The following GID4 variants were observed in gnomAD, a reference collection of about 807,000 sequenced individuals.
GID4 encodes the protein GID complex subunit 4 homolog, also known as glucose-induced degradation protein 4 homolog.
GID4 carries 7 observed loss-of-function variants against 32.4 expected under a neutral mutation model. The observed-to-expected ratio is 0.22, with a 90% CI of 0.12 to 0.41. The LOEUF (loss-of-function observed/expected upper bound fraction) is 0.41. Among genes scored for constraint, GID4 ranks in the 10% least tolerant of loss-of-function variants. GID4 has a pLI of 1.00. For missense variants in GID4, 309 were observed against 400.0 expected, an observed-to-expected ratio of 0.77 and a Z score of 1.94; for synonymous variants, 166 against 170.0, an observed-to-expected ratio of 0.98 and a Z score of 0.18.
intron 2 of GID4, among the ~76,000 whole-genome samples, chr17:18,050,068 T>C (rs367996904): frequency 2.6e-5 from 4 of 152,394 alleles, no homozygotes; most frequent in East Asian, 3.9e-4. Flanking sequence ...TCATTTCTTT[T>C]TATGGCTTCA....
intron 2 of GID4, among the ~76,000 whole-genome samples, chr17:18,048,788 A>G (rs2044880892): frequency 6.6e-6 from 1 of 151,532 alleles, no homozygotes; most frequent in South Asian, 2.1e-4. Flanking sequence ...AATTACAGGC[A>G]TGTGCCACCA....
At chr17:18,046,621 T>TA (rs541538647) in intron 2 of GID4, among the ~76,000 whole-genome samples, 2,499 of 138,354 alleles carry the variant, frequency 0.018, 33 homozygotes, top group Middle Eastern at 0.071. Context: ...CCTCTCTCTT[T>TA]AAAAAAAAAA....
At position 18,048,206 on chromosome 17, in the gene GID4, CTT is replaced by C. The variant is rs919674515; in HGVS notation, c.498+3010_498+3011del. On this transcript the variant is annotated intron_variant, in intron 2 of 5. Coordinates refer to ENST00000268719, the MANE Select transcript of GID4 (RefSeq NM_024052.5). ...GTGAGCCACCACGCCTGGCCGATAA[CTT>C]TTTTTTTTTGAGACAGAGTCTCAGT... Among the ~76,000 whole-genome samples the C allele has an allele frequency of 2.3e-5, 3 of 129,576 alleles. No homozygotes were observed. The East Asian group carries it at 7.1e-4, about 30-fold the overall frequency. The allele number at this position is 129,576 out of a possible 152,430, so 85.0% of individuals were successfully genotyped here. A position where few individuals can be genotyped will look rare whatever the true frequency, so the allele number is the denominator to read the frequency against.
chr17:18,048,800 A>G lies in GID4; in HGVS notation c.498+3594A>G, dbSNP rs2044880965. Among the ~76,000 whole-genome samples the G allele has an allele frequency of 2.0e-5, 3 of 151,000 alleles. 1 individual carries two copies. The South Asian group carries it at 6.3e-4, about 32-fold the overall frequency. ...TGGAATTACAGGCATGTGCCACCAC[A>G]CCTGGCTAATTTTTATATTTTTAGT... On this transcript the variant is annotated intron_variant, in intron 2 of 5. Coordinates refer to ENST00000268719, the MANE Select transcript of GID4 (RefSeq NM_024052.5).
At chr17:18,059,970 C>T (rs576430901) in intron 4 of GID4, among the ~76,000 whole-genome samples, 1 of 150,864 alleles carries the variant, frequency 6.6e-6, no homozygotes, top group Non-Finnish European at 1.5e-5. Flanking sequence ...CCTGTAGTCG[C>T]AGCTACTCAG....
At chr17:18,047,168 G>A (rs1289535028) in intron 2 of GID4, among the ~76,000 whole-genome samples, 2 of 152,126 alleles carry the variant, frequency 1.3e-5, no homozygotes, top group Non-Finnish European at 1.5e-5. Flanking sequence ...TGAGACCAAA[G>A]GTATTTCTTC....
chr17:18,055,892 G>A (rs1210646185), intron 3 of GID4, among the ~76,000 whole-genome samples: 1 of 152,166 alleles, frequency 6.6e-6, no homozygotes, highest in Non-Finnish European at 1.5e-5. Flanking sequence ...AGGCTGGAGT[G>A]CAGTGGCGTA....
chr17:18,041,013 C>T (rs2044795585), intron 1 of GID4, among the ~76,000 whole-genome samples: 1 of 152,134 alleles, frequency 6.6e-6, no homozygotes, highest in South Asian at 2.1e-4. Context: ...GTGGTGAATA[C>T]TCTTTTATCT....
At chr17:18,060,084 C>CAA (rs35399188) in intron 4 of GID4, among the ~76,000 whole-genome samples, 35 of 60,418 alleles carry the variant, frequency 5.8e-4, no homozygotes, top group East Asian at 3.0e-3. Context: ...GACTCCATCT[C>CAA]AAAAAAAAAA....
chr17:18,045,911 GA>G (rs957080536), intron 2 of GID4, among the ~76,000 whole-genome samples: 4 of 149,526 alleles, frequency 2.7e-5, no homozygotes, highest in African/African-American at 5.0e-5. Flanking sequence ...AAAAAAGAAA[GA>G]AAAAAAAGGG....
At chr17:18,059,239 T>C (rs961699616) in intron 4 of GID4, among the ~76,000 whole-genome samples, 3 of 152,228 alleles carry the variant, frequency 2.0e-5, no homozygotes, top group Admixed American at 2.0e-4. Flanking sequence ...TGGCTGCCTC[T>C]AACATTGTCT....
At chr17:18,054,799 C>T (rs546868288) in intron 3 of GID4, among the ~76,000 whole-genome samples, 1 of 152,254 alleles carries the variant, frequency 6.6e-6, no homozygotes, top group South Asian at 2.1e-4. Context: ...CATTCTCACT[C>T]AGCAGTAGTG....
chr17:18,056,538 G>A (rs2044968915), intron 3 of GID4, among the ~76,000 whole-genome samples: 1 of 152,204 alleles, frequency 6.6e-6, no homozygotes, highest in Non-Finnish European at 1.5e-5. Context: ...GTTCTTCCTT[G>A]TAGTAAACCA....
At chr17:18,052,381 G>A (rs2044919923) in intron 2 of GID4, among the ~76,000 whole-genome samples, 1 of 152,202 alleles carries the variant, frequency 6.6e-6, no homozygotes, top group Admixed American at 6.5e-5. Flanking sequence ...TACTGTGGCA[G>A]CCTCTCTCAG....
chr17:18,040,549 T>C (rs2044786129), intron 1 of GID4, among the ~76,000 whole-genome samples: 1 of 152,168 alleles, frequency 6.6e-6, no homozygotes, highest in African/African-American at 2.4e-5. Context: ...TCTGTTGGGA[T>C]GTTGCCTCCT....
Position 18,061,984 on chromosome 17 carries a change from C to T in GID4, c.839+9C>T. On this transcript the variant is annotated intron_variant, in intron 5 of 5. Coordinates refer to ENST00000268719, the MANE Select transcript of GID4 (RefSeq NM_024052.5). This position sits in a 1 kb window ranked among gnomAD's most constrained non-coding sequence, Gnocchi z 4.4. ...CATAGGAGTTCAGAATGGTGAGGAC[C>T]TCTGAGGACAGAGGCCACGGGGAGG... 6.2e-7 allele frequency: 1 copy of T among 1,613,022 alleles called. No individual in the cohort carries two copies. Among genetic ancestry groups the T allele is most frequent in the Non-Finnish European group, 8.5e-7 (1 of 1,179,926 alleles).
chr17:18,044,213 A>G (rs1488607537), intron 1 of GID4, among the ~76,000 whole-genome samples: 1 of 152,204 alleles, frequency 6.6e-6, no homozygotes, highest in Non-Finnish European at 1.5e-5. Context: ...CAGGAGACTT[A>G]CACATCTGAT....
intron 3 of GID4, chr17:18,056,829 C>A (rs1172709412): frequency 2.6e-6 from 4 of 1,550,464 alleles, no homozygotes; most frequent in Non-Finnish European, 3.5e-6. Context: ...GGGAGCTGAA[C>A]CTATGGAGTG....
intron 2 of GID4, among the ~76,000 whole-genome samples, chr17:18,049,335 CAAAA>C (rs756823895): frequency 5.3e-5 from 2 of 37,928 alleles, no homozygotes. Flanking sequence ...GACTTCGTGT[CAAAA>C]AAAAAAAAAA....
Sources: gnomAD v4.1 joint callset for allele counts (sites outside exome capture counted in the v4.1 genomes callset) on GRCh38, gnomAD v4.1.1 for gene constraint, Gnocchi (gnomAD v3.1) non-coding constraint, MANE v1.5 for transcripts, NCBI Gene and HGNC (gene_info 2026-07-23, HGNC 2026-07-21) for gene names.